The following PACRG variants were observed in gnomAD, a reference collection of about 807,000 sequenced individuals.
PACRG encodes parkin coregulated, also known as parkin coregulated gene protein.
PACRG carries 29 observed loss-of-function variants against 29.7 expected under a neutral mutation model. The observed-to-expected ratio is 0.98, with a 90% CI of 0.73 to 1.33. The LOEUF is 1.33. Ranked by LOEUF, PACRG falls within the 40% of genes most tolerant of loss-of-function variation. The pLI, the probability that PACRG is intolerant of heterozygous loss-of-function variation, is 0.00. For missense variants in PACRG, 279 were observed against 316.2 expected (o/e 0.88, Z 0.89); for synonymous variants, 116 against 118.7 (o/e 0.98, Z 0.15).
At chr6:162,837,433 A>C (rs1789329327) in intron 2 of PACRG, among the ~76,000 whole-genome samples, 2 of 152,166 alleles carry the variant, frequency 1.3e-5, no homozygotes, top group Non-Finnish European at 2.9e-5. Context: ...TAGAATTGGC[A>C]AATAATAGAA....
chr6:162,739,745 G>A (rs1780428120), intron 1 of PACRG, among the ~76,000 whole-genome samples: 1 of 151,606 alleles, frequency 6.6e-6, no homozygotes, highest in South Asian at 2.1e-4. Flanking sequence ...AGGAGGCTGA[G>A]GCAGGGGACT....
chr6:163,289,140 T>C (rs953085277), intron 4 of PACRG, among the ~76,000 whole-genome samples: 1 of 152,170 alleles, frequency 6.6e-6, no homozygotes, highest in South Asian at 2.1e-4. Flanking sequence ...TGCACTGATA[T>C]CTACCCCACA....
intron 4 of PACRG, among the ~76,000 whole-genome samples, chr6:163,309,786 TC>T (rs1785339232): frequency 6.6e-6 from 1 of 152,136 alleles, no homozygotes; most frequent in South Asian, 2.1e-4. Context: ...AACTCTGCCT[TC>T]CCCGGTGTGG....
At chr6:162,791,413 C>A (rs1289594702) in intron 1 of PACRG, among the ~76,000 whole-genome samples, 1 of 151,438 alleles carries the variant, frequency 6.6e-6, no homozygotes, top group Non-Finnish European at 1.5e-5. Context: ...CTTCTCTACC[C>A]CATAGGTAAT....
At position 163,006,628 on chromosome 6, in the gene PACRG, G is replaced by A. The variant is rs61354059; in HGVS notation, c.292-55522G>A. 6.8e-3 allele frequency among the ~76,000 whole-genome samples: 1,037 copies of A among 151,606 alleles called. 15 individuals carry two copies. The highest frequency in any genetic ancestry group is 0.024 in the African/African-American group (977 of 41,380). ...ATATATTTTGGAGCTCTGTTATTAG[G>A]TGCATAACTCTTTAGAATTATTATG... is the stretch of plus-strand genomic sequence containing the variant. On this transcript the variant is annotated intron_variant, in intron 2 of 4. Transcript: ENST00000366888.
chr6:163,123,549 G>A (rs1816390828), intron 4 of PACRG, among the ~76,000 whole-genome samples: 1 of 152,062 alleles, frequency 6.6e-6, no homozygotes, highest in African/African-American at 2.4e-5. Context: ...AGAATTTTAA[G>A]TGCACAATAC....
intron 4 of PACRG, among the ~76,000 whole-genome samples, chr6:163,206,112 G>T (rs1254882877): frequency 6.6e-6 from 1 of 152,162 alleles, no homozygotes; most frequent in Non-Finnish European, 1.5e-5. Flanking sequence ...CTGCTGGTGG[G>T]GGAGTGTAAA....
intron 4 of PACRG, among the ~76,000 whole-genome samples, chr6:163,124,292 TG>T (rs1486490157): frequency 6.6e-6 from 1 of 152,054 alleles, no homozygotes; most frequent in African/African-American, 2.4e-5. Context: ...AAATTGATGC[TG>T]GGGGAAAAAG....
chr6:163,036,209 C>T (rs1240645594), intron 2 of PACRG, among the ~76,000 whole-genome samples: 1 of 152,148 alleles, frequency 6.6e-6, no homozygotes, highest in Non-Finnish European at 1.5e-5. Flanking sequence ...ATTTTTAAAA[C>T]TTATTTTATC....
chr6:163,052,177 A>G (rs913319372), intron 2 of PACRG: 15 of 152,084 alleles, frequency 9.9e-5, no homozygotes, highest in Non-Finnish European at 7.4e-5. Flanking sequence ...AATTTGTAAG[A>G]CCTCTTGTAA....
chr6:163,163,567 C>T (rs565998225), intron 4 of PACRG, among the ~76,000 whole-genome samples: 11 of 152,156 alleles, frequency 7.2e-5, no homozygotes, highest in East Asian at 1.9e-4. Context: ...CCACCGTACC[C>T]GGCCTTCAGC....
intron 4 of PACRG, among the ~76,000 whole-genome samples, chr6:163,286,995 T>C (rs1305370528): frequency 6.6e-6 from 1 of 152,162 alleles, no homozygotes; most frequent in African/African-American, 2.4e-5. Flanking sequence ...TCTGTATATA[T>C]GTATATGTAC....
At chr6:163,313,306 A>G (rs1335002476) in intron 4 of PACRG, among the ~76,000 whole-genome samples, 1 of 152,068 alleles carries the variant, frequency 6.6e-6, no homozygotes, top group East Asian at 1.9e-4. Context: ...TGTGACTCAC[A>G]ATCTTTTTTT....
chr6:162,949,140 A>G (rs946722779), intron 2 of PACRG, among the ~76,000 whole-genome samples: 1 of 152,194 alleles, frequency 6.6e-6, no homozygotes, highest in Non-Finnish European at 1.5e-5. Flanking sequence ...TGTAGTACAT[A>G]TACATGGAAT....
At chr6:163,074,887 G>T (rs999163861) in intron 3 of PACRG, among the ~76,000 whole-genome samples, 4 of 152,250 alleles carry the variant, frequency 2.6e-5, no homozygotes, top group African/African-American at 7.2e-5. Context: ...CTACTGGAGT[G>T]GGAGGCTGAG....
chr6:162,804,542 T>TA (rs1786155455), intron 1 of PACRG, among the ~76,000 whole-genome samples: 1 of 152,228 alleles, frequency 6.6e-6, no homozygotes, highest in African/African-American at 2.4e-5. Flanking sequence ...GTAATGTTCA[T>TA]AAAGCAATGA....
chr6:163,291,507 A>C (rs1369570383), intron 4 of PACRG, among the ~76,000 whole-genome samples: 1 of 152,270 alleles, frequency 6.6e-6, no homozygotes, highest in African/African-American at 2.4e-5. Flanking sequence ...AGAGACCCGG[A>C]TGCAACTATG....
chr6:163,210,611 G>A (rs1298474023), intron 4 of PACRG, among the ~76,000 whole-genome samples: 1 of 152,200 alleles, frequency 6.6e-6, no homozygotes. Context: ...ATGTTGAAGG[G>A]ATTAAATTGG....
At chr6:162,733,911 T>G (rs771967803) in intron 1 of PACRG, among the ~76,000 whole-genome samples, 4 of 144,236 alleles carry the variant, frequency 2.8e-5, no homozygotes, top group Non-Finnish European at 6.0e-5. Flanking sequence ...TTTTATATTT[T>G]TCCCTCTAAT....
Sources: gnomAD v4.1 joint callset for allele counts (sites outside exome capture counted in the v4.1 genomes callset) on GRCh38, gnomAD v4.1.1 for gene constraint, MANE v1.5 for transcripts, NCBI Gene and HGNC (gene_info 2026-07-23, HGNC 2026-07-21) for gene names.